The following GLDC variants were observed in gnomAD, a reference collection of about 807,000 sequenced individuals.
GLDC encodes glycine dehydrogenase (decarboxylating), mitochondrial.
In GLDC, 104 loss-of-function variants were observed where a neutral mutation model predicts 121.3. The ratio of observed to expected loss-of-function variants is 0.86; its 90% confidence interval spans 0.73 to 1.01. The LOEUF is 1.01. Among genes scored for constraint, GLDC ranks in the 50% least tolerant of loss-of-function variants. The pLI, the probability that GLDC is intolerant of heterozygous loss-of-function variation, is 0.00. For synonymous variants in GLDC, 546 were observed against 480.6 expected, an observed-to-expected ratio of 1.14 and a Z score of -1.78; for missense variants, 1,429 against 1,306.6, an observed-to-expected ratio of 1.09 and a Z score of -1.44.
At chr9:6,542,885 CAAAAA>C (rs5896153) in intron 21 of GLDC, among the ~76,000 whole-genome samples, 5 of 61,392 alleles carry the variant, frequency 8.1e-5, no homozygotes, top group Admixed American at 2.2e-4. Context: ...GACCTTTTCT[CAAAAA>C]AAAAAAAAAA....
intron 19 of GLDC, 50 bp from the exon 20 acceptor site, chr9:6,553,559 A>G: frequency 6.3e-7 from 1 of 1,582,362 alleles, no homozygotes; most frequent in Middle Eastern, 1.7e-4. Flanking sequence ...ATTCAGTTTA[A>G]TCTAATGGGA....
intron 9 of GLDC, among the ~76,000 whole-genome samples, 180 bp downstream of exon 9, chr9:6,594,834 A>AG (rs1818459409): frequency 7.5e-6 from 1 of 133,540 alleles, no homozygotes; most frequent in South Asian, 2.3e-4. Context: ...AAAGAAAGAA[A>AG]AAGAAAGAGA....
chr9:6,560,366 C>T (rs1356830743), intron 16 of GLDC, among the ~76,000 whole-genome samples: 4 of 152,216 alleles, frequency 2.6e-5, no homozygotes, highest in African/African-American at 9.6e-5. Context: ...TAGCCAAAGG[C>T]AAACATGAAC....
chr9:6,538,362 G>T (rs111796020), intron 22 of GLDC, among the ~76,000 whole-genome samples: 96 of 152,316 alleles, frequency 6.3e-4, no homozygotes, highest in African/African-American at 2.3e-3. Context: ...GCCTGGAACT[G>T]CTGGGTAAGG....
chr9:6,534,089 G>C (rs1817062854), intron 24 of GLDC: 1 of 150,364 alleles, frequency 6.7e-6, no homozygotes, highest in Non-Finnish European at 1.5e-5. Context: ...GCAGGCGCCT[G>C]TAGTCCCAGC....
At chr9:6,639,622 G>A in intron 2 of GLDC, 2 of 654,574 alleles carry the variant, frequency 3.1e-6, no homozygotes, top group Non-Finnish European at 2.8e-6. Flanking sequence ...ACTGAGTCCA[G>A]CTGCCTAATT....
intron 15 of GLDC, among the ~76,000 whole-genome samples, chr9:6,575,243 C>G (rs1256758518): frequency 6.6e-6 from 1 of 151,594 alleles, no homozygotes; most frequent in Non-Finnish European, 1.5e-5. Flanking sequence ...CCCCAAAACT[C>G]TCCCATATGG....
chr9:6,606,717 G>C lies in GLDC; in HGVS notation c.636-48C>G, dbSNP rs766508456. ...TCCAACGTGAACATTAAATAAATAG[G>C]ACTATCTTCTAAGAACGCAAAGCAA... is the stretch of plus-strand genomic sequence containing the variant. On this transcript the variant is annotated intron_variant, in intron 4 of 24. Transcript: ENST00000321612. 10 of 1,044,932 alleles carry C rather than the reference G, an allele frequency of 9.6e-6. No individual in the cohort carries two copies. The East Asian group carries it at 2.4e-4, about 25-fold the overall frequency. The allele number at this position is 1,044,932 out of a possible 1,614,324, so 64.7% of individuals were successfully genotyped here.
At chr9:6,550,354 T>TGG (rs1817486438) in intron 21 of GLDC, among the ~76,000 whole-genome samples, 1 of 152,108 alleles carries the variant, frequency 6.6e-6, no homozygotes, top group Non-Finnish European at 1.5e-5. Context: ...TGGCTGGGCG[T>TGG]GGTGGCTCAT....
In GLDC at chr9:6,565,364, C is replaced by T. The variant is rs1488935367; in HGVS notation, c.1916G>A (p.Gly639Glu). ...IRAYLNQKGE[G>E]HRTVCLIPKS... ...TCCTGCCATACTCACCGTTCTGTGCCCCTCTCCTTTCTGGTTTAAGTAGGC... is the reference window on the plus strand; with the variant it reads ...TCCTGCCATACTCACCGTTCTGTGCTCCTCTCCTTTCTGGTTTAAGTAGGC... Residue 639 changes from glycine to glutamate, a missense_variant, in exon 16 of 25, where the codon GGG becomes GAG. By Grantham distance (98) the Gly-to-Glu change is moderately conservative. Coordinates refer to ENST00000321612, the MANE Select transcript of GLDC (RefSeq NM_000170.3). 12 of 1,612,280 alleles carry T rather than the reference C, an allele frequency of 7.4e-6. No individual in the cohort carries two copies. Among genetic ancestry groups the T allele is most frequent in the African/African-American group, 1.3e-5 (1 of 74,872 alleles).
intron 2 of GLDC, among the ~76,000 whole-genome samples, chr9:6,629,959 T>TGTGTGTATATATATA (rs1449751329): frequency 1.8e-5 from 1 of 55,870 alleles, no homozygotes; most frequent in African/African-American, 1.5e-4. Flanking sequence ...ATATATATAT[T>TGTGTGTATATATATA]TTTTTTTTTT....
intron 2 of GLDC, among the ~76,000 whole-genome samples, chr9:6,643,785 G>A (rs1034750354): frequency 6.6e-6 from 1 of 152,004 alleles, no homozygotes; most frequent in East Asian, 1.9e-4. Flanking sequence ...TGTAATCCCA[G>A]CATTTTGGGA....
intron 3 of GLDC, among the ~76,000 whole-genome samples, chr9:6,616,765 T>A (rs138782375): frequency 1.3e-5 from 2 of 152,358 alleles, no homozygotes; most frequent in Non-Finnish European, 2.9e-5. Context: ...TCAAATAGGA[T>A]GCTTGATATA....
intron 20 of GLDC, among the ~76,000 whole-genome samples, chr9:6,552,761 T>G (rs1817541205): frequency 6.6e-6 from 1 of 152,144 alleles, no homozygotes; most frequent in Non-Finnish European, 1.5e-5. Context: ...GAACAAGAAC[T>G]GTAGAAAATC....
rs1818289919 is a variant in GLDC at position 6,587,247 on chromosome 9, A to C, written c.1744T>G (p.Phe582Val). ...CCTTGAGCTTGATCCAGAGGCACAAAGGGGTGGATGTTTGCAAATTCTTTC... is the reference window on the plus strand; with the variant it reads ...CCTTGAGCTTGATCCAGAGGCACAACGGGGTGGATGTTTGCAAATTCTTTC... Reference protein sequence around the residue: ...TWKEFANIHPFVPLDQAQGYQ... With the variant: ...TWKEFANIHPVVPLDQAQGYQ... Residue 582 changes from phenylalanine (F) to valine (V), a missense_variant, in exon 15 of 25, where the codon TTT becomes GTT. By Grantham distance (50) the Phe-to-Val change is conservative (BLOSUM62 -1). Transcript: ENST00000321612. 6.2e-7 allele frequency: 1 copy of C among 1,613,932 alleles called. No individual in the cohort carries two copies. Among genetic ancestry groups the C allele is most frequent in the Non-Finnish European group, 8.5e-7 (1 of 1,179,904 alleles).
chr9:6,606,052 A>AG (rs1164542802), intron 5 of GLDC: 1 of 160,190 alleles, frequency 6.2e-6, no homozygotes, highest in African/African-American at 2.4e-5. Context: ...TCAAGCCTGT[A>AG]ATCCCAGGAC....
At chr9:6,536,282 C>A in intron 22 of GLDC, 46 bp from the exon 23 acceptor site, 1 of 1,527,340 alleles carries the variant, frequency 6.5e-7, no homozygotes. Context: ...GGTCAGTGGC[C>A]TACCCAGTTT....
chr9:6,562,323 C>G (rs901672696), intron 16 of GLDC, among the ~76,000 whole-genome samples: 1 of 152,098 alleles, frequency 6.6e-6, no homozygotes, highest in Non-Finnish European at 1.5e-5. Flanking sequence ...CAAAAAGCAG[C>G]TTGAAAGAAA....
chr9:6,608,543 CT>C (rs1563858839), intron 4 of GLDC, among the ~76,000 whole-genome samples: 1 of 149,492 alleles, frequency 6.7e-6, no homozygotes, highest in African/African-American at 2.5e-5. Flanking sequence ...GATCGAGACC[CT>C]CCTGGCTAAC....
Sources: allele counts gnomAD v4.1 joint callset (sites outside exome capture counted in the v4.1 genomes callset), GRCh38; gene constraint gnomAD v4.1.1; transcripts MANE v1.5; gene names NCBI Gene and HGNC (gene_info 2026-07-23, HGNC 2026-07-21).